NEDD4: variants seen among roughly 807,000 people sequenced by gnomAD.
NEDD4 encodes NEDD4 E3 ubiquitin protein ligase.
Under a neutral mutation model 144.9 loss-of-function variants are expected in NEDD4, and 99 were observed. That is an observed-to-expected ratio of 0.68 (90% CI 0.58 to 0.81). The LOEUF is 0.81. Ranked by LOEUF, NEDD4 falls within the 30% of genes least tolerant of loss-of-function variation. The pLI, the probability that NEDD4 is intolerant of heterozygous loss-of-function variation, is 0.00. For missense variants in NEDD4, 985 were observed against 1,065.9 expected, an observed-to-expected ratio of 0.92 and a Z score of 1.06; for synonymous variants, 318 against 350.6, an observed-to-expected ratio of 0.91 and a Z score of 1.04.
chr15:55,951,497 T>G lies in NEDD4; in HGVS notation c.198+14A>C. 1 of 1,507,484 alleles carries G rather than the reference T, an allele frequency of 6.6e-7. No individual in the cohort carries two copies. The highest frequency in any genetic ancestry group is 1.3e-5 in the South Asian group (1 of 75,494). The allele number at this position is 1,507,484 out of a possible 1,614,324, so 93.4% of individuals were successfully genotyped here. On this transcript the variant is annotated intron_variant, in intron 3 of 28. Transcript: ENST00000435532. ...AAAGTACATTAAAAACTTTTGAATA[T>G]TGCTAAGTCTAACCTTTTTAATGGT...
At chr15:55,833,469 C>T (rs1226174896) in intron 26 of NEDD4, among the ~76,000 whole-genome samples, 2 of 151,872 alleles carry the variant, frequency 1.3e-5, no homozygotes, top group Non-Finnish European at 2.9e-5. Context: ...ACCAGCCTGG[C>T]CAACAAGGTG....
At chr15:55,921,230 T>C (rs760834218) in intron 5 of NEDD4, among the ~76,000 whole-genome samples, 17 of 152,148 alleles carry the variant, frequency 1.1e-4, no homozygotes, top group East Asian at 1.9e-4. Flanking sequence ...TTTAGAAGGA[T>C]TGAATAATTT....
At chr15:55,849,637 T>C (rs1278343108) in intron 14 of NEDD4, among the ~76,000 whole-genome samples, 1 of 151,896 alleles carries the variant, frequency 6.6e-6, no homozygotes, top group Admixed American at 6.6e-5. Flanking sequence ...CAATTCAGAA[T>C]GTTAAAAAAG....
chr15:55,987,035 A>C (rs1454566473), intron 1 of NEDD4, among the ~76,000 whole-genome samples: 1 of 145,986 alleles, frequency 6.8e-6, no homozygotes, highest in Non-Finnish European at 1.5e-5. Context: ...TAGATCCCTG[A>C]GGAATCGCCA....
At chr15:55,852,597 A>G (rs1220136848) in intron 12 of NEDD4, 54 bp from the exon 13 acceptor site, 6 of 1,566,872 alleles carry the variant, frequency 3.8e-6, no homozygotes, top group African/African-American at 1.4e-5. Flanking sequence ...GAATCCTTCT[A>G]TCACCCCCAA....
intron 5 of NEDD4, among the ~76,000 whole-genome samples, chr15:55,913,418 A>G (rs897317848): frequency 8.5e-5 from 13 of 152,114 alleles, no homozygotes; most frequent in African/African-American, 3.1e-4. Flanking sequence ...AATCTTCTCC[A>G]TAAAACAAGC....
chr15:55,917,637 A>G (rs1302511658), intron 5 of NEDD4, among the ~76,000 whole-genome samples: 2 of 152,184 alleles, frequency 1.3e-5, no homozygotes, highest in Admixed American at 6.5e-5. Flanking sequence ...TTAACCTAGT[A>G]ATACCATTGC....
intron 5 of NEDD4, among the ~76,000 whole-genome samples, chr15:55,891,328 G>A (rs967168359): frequency 2.6e-5 from 4 of 152,128 alleles, no homozygotes; most frequent in Non-Finnish European, 4.4e-5. Flanking sequence ...CTGAAATTGG[G>A]AACTATCCTG....
At chr15:55,941,506 C>A (rs759622214) in intron 4 of NEDD4, among the ~76,000 whole-genome samples, 1 of 151,750 alleles carries the variant, frequency 6.6e-6, no homozygotes, top group South Asian at 2.1e-4. Flanking sequence ...GATATACATA[C>A]GTGTGTTACT....
At chr15:55,963,538 C>T (rs1218737738) in intron 2 of NEDD4, among the ~76,000 whole-genome samples, 1 of 152,112 alleles carries the variant, frequency 6.6e-6, no homozygotes, top group Non-Finnish European at 1.5e-5. Flanking sequence ...CCAAATAGGT[C>T]TATAACTTAT....
chr15:55,857,074 C>T (rs1409658033), intron 11 of NEDD4, among the ~76,000 whole-genome samples: 1 of 152,074 alleles, frequency 6.6e-6, no homozygotes, highest in Non-Finnish European at 1.5e-5. Context: ...TGAAATGGTT[C>T]AATGTCTAAG....
At chr15:55,883,143 A>T (rs1396958347) in intron 5 of NEDD4, among the ~76,000 whole-genome samples, 1 of 152,172 alleles carries the variant, frequency 6.6e-6, no homozygotes, top group Non-Finnish European at 1.5e-5. Flanking sequence ...TCCCTGGGAT[A>T]CAGGGGAGCC....
intron 11 of NEDD4, 62 bp downstream of exon 11, chr15:55,860,345 G>T: frequency 6.7e-7 from 1 of 1,499,078 alleles, no homozygotes. Flanking sequence ...GTTAGTTGTT[G>T]AATAGTATAA....
chr15:55,963,441 T>C (rs1178107468), intron 2 of NEDD4, among the ~76,000 whole-genome samples: 3 of 152,158 alleles, frequency 2.0e-5, no homozygotes, highest in Non-Finnish European at 2.9e-5. Context: ...TATAATTCTT[T>C]GCATTATTTT....
Position 55,841,997 on chromosome 15 carries a change from C to G in NEDD4, c.1775G>C (p.Trp592Ser). Reference protein sequence around the residue: ...GLDYGGVAREWFFLISKEMFN... With the variant: ...GLDYGGVARESFFLISKEMFN... ...CATTTCCTTTGAGATCAGGAAGAAC[C>G]ATTCTCTGGCAACTCCTCCATAATC... The change falls in exon 19 of 29, where the codon TGG becomes TCG. Residue 592 changes from tryptophan (W) to serine (S), a missense_variant. Transcript: ENST00000435532. 6.2e-7 allele frequency: 1 copy of G among 1,614,174 alleles called. No homozygotes were observed. Among genetic ancestry groups the G allele is most frequent in the Non-Finnish European group, 8.5e-7 (1 of 1,180,028 alleles).
chr15:55,988,145 T>TA, intron 1 of NEDD4: 2 of 137,552 alleles, frequency 1.5e-5, no homozygotes, highest in Non-Finnish European at 3.1e-5. Context: ...TATGCAGCCA[T>TA]AAAAAATGAT....
intron 4 of NEDD4, among the ~76,000 whole-genome samples, chr15:55,950,411 A>T (rs1472359954): frequency 2.0e-5 from 3 of 152,222 alleles, no homozygotes; most frequent in Non-Finnish European, 4.4e-5. Flanking sequence ...AAAAGAAGAC[A>T]AACAAAAAAT....
intron 5 of NEDD4, among the ~76,000 whole-genome samples, chr15:55,902,478 G>T (rs78440815): frequency 4.6e-4 from 70 of 152,164 alleles, no homozygotes; most frequent in African/African-American, 1.6e-3. Context: ...GGTACAATAT[G>T]TATTTTTTAA....
chr15:55,947,408 A>C (rs894526118), intron 4 of NEDD4, among the ~76,000 whole-genome samples: 4 of 152,236 alleles, frequency 2.6e-5, no homozygotes, highest in Non-Finnish European at 5.9e-5. Context: ...TAAACTAGAA[A>C]AGCTAGAAGA....
Sources: gnomAD v4.1 joint callset for allele counts (sites outside exome capture counted in the v4.1 genomes callset) on GRCh38, gnomAD v4.1.1 for gene constraint, MANE v1.5 for transcripts, NCBI Gene and HGNC (gene_info 2026-07-23, HGNC 2026-07-21) for gene names.